The following RBM26 variants were observed in gnomAD, a reference collection of about 807,000 sequenced individuals.
The protein encoded by RBM26 is RNA-binding protein 26.
Under a neutral mutation model 123.6 loss-of-function variants are expected in RBM26, and 30 were observed. The observed-to-expected ratio is 0.24, with a 90% CI of 0.18 to 0.33. The LOEUF is 0.33. RBM26 is among the 10% of genes least tolerant of loss of function. The pLI is 1.00. For synonymous variants in RBM26, 400 were observed against 404.4 expected (o/e 0.99, Z 0.13); for missense variants, 947 against 1,203.6 (o/e 0.79, Z 3.15).
intron 20 of RBM26, among the ~76,000 whole-genome samples, chr13:79,322,717 A>G (rs2067825919): frequency 6.6e-6 from 1 of 151,554 alleles, no homozygotes; most frequent in Admixed American, 6.6e-5. Flanking sequence ...ATAATTTCTC[A>G]TAATAAAATA....
chr13:79,394,373 T>C (rs1202826824), intron 1 of RBM26, among the ~76,000 whole-genome samples: 2 of 152,214 alleles, frequency 1.3e-5, no homozygotes, highest in African/African-American at 2.4e-5. Context: ...TTCTGCCATT[T>C]GCGAGTCCTT....
At chr13:79,368,662 C>A in intron 6 of RBM26, 68 bp downstream of exon 6, 1 of 1,475,736 alleles carries the variant, frequency 6.8e-7, no homozygotes. Flanking sequence ...CTATGTACAA[C>A]ATAAACACAG....
chr13:79,386,115 A>T (rs2077457788), intron 1 of RBM26, among the ~76,000 whole-genome samples: 1 of 151,864 alleles, frequency 6.6e-6, no homozygotes, highest in Non-Finnish European at 1.5e-5. Context: ...AAACACAAAA[A>T]CTATTTTTCC....
At position 79,358,473 on chromosome 13, in the gene RBM26, C is replaced by G. The variant is rs761392870; in HGVS notation, c.1530-40G>C. 28 of 1,495,230 alleles carry G rather than the reference C, an allele frequency of 1.9e-5. No individual in the cohort carries two copies. The South Asian group carries it at 3.3e-4, about 18-fold the overall frequency. 92.6% of individuals were successfully genotyped at this position (1,495,230 alleles called of 1,614,324 possible). ...CAAGTTAGTCAATACATTTATAAAT[C>G]CTGACCCTAACCAAATACAAGGGAA... On this transcript the variant is annotated intron_variant, in intron 10 of 21. Transcript: ENST00000438737.
intron 20 of RBM26, among the ~76,000 whole-genome samples, chr13:79,324,558 C>A: frequency 6.6e-6 from 1 of 151,726 alleles, no homozygotes; most frequent in East Asian, 1.9e-4. Context: ...TTTTATGATG[C>A]ACCTTTTATT....
downstream of RBM26, chr13:79,314,867 G>T: frequency 1.5e-6 from 1 of 674,448 alleles, no homozygotes; most frequent in Non-Finnish European, 2.3e-6. Context: ...GTAAACATCT[G>T]TTCAAATTGA....
chr13:79,368,717 C>T lies in RBM26; in HGVS notation c.895+13G>A. The T allele has an allele frequency of 6.2e-7, 1 of 1,608,712 alleles. No homozygotes were observed. The highest frequency in any genetic ancestry group is 8.5e-7 in the Non-Finnish European group (1 of 1,176,158). ...ATTAATTAAATACTTTATCAAACAG[C>T]TGAAAGACTTACCATCATAGTCTCT... is the stretch of plus-strand genomic sequence containing the variant. On this transcript the variant is annotated intron_variant, in intron 6 of 21. Transcript: ENST00000438737.
Position 79,352,131 on chromosome 13 carries a change from C to G in RBM26, c.2058+1022G>C, listed in dbSNP as rs561044897. Among the ~76,000 whole-genome samples, 26 of 152,194 alleles carry G rather than the reference C, an allele frequency of 1.7e-4. No homozygotes were observed. The South Asian group carries it at 5.4e-3, about 32-fold the overall frequency. On this transcript the variant is annotated intron_variant, in intron 14 of 21. Coordinates refer to ENST00000438737, the MANE Select transcript of RBM26 (RefSeq NM_001366735.2). ...AAAGTCTGATACACAAACTCAGATT[C>G]AAATACCTAAAACTGCCAAAGTTTA...
intron 1 of RBM26, among the ~76,000 whole-genome samples, chr13:79,403,954 A>G (rs1566622431): frequency 6.6e-6 from 1 of 152,154 alleles, no homozygotes; most frequent in Non-Finnish European, 1.5e-5. Flanking sequence ...TTAATGACAT[A>G]AAGCCCAGTT....
At chr13:79,344,108 T>A in intron 16 of RBM26, 140 bp downstream of exon 16, 1 of 689,556 alleles carries the variant, frequency 1.5e-6, no homozygotes, top group Non-Finnish European at 2.6e-6. Flanking sequence ...ATGCTCTTCA[T>A]CTCCAATATT....
intron 1 of RBM26, among the ~76,000 whole-genome samples, chr13:79,384,030 C>T (rs2077280057): frequency 6.6e-6 from 1 of 152,138 alleles, no homozygotes; most frequent in African/African-American, 2.4e-5. Flanking sequence ...ATATGAGGGA[C>T]AGGAGTCCAG....
At chr13:79,364,312 T>C (rs189846648) in intron 9 of RBM26, among the ~76,000 whole-genome samples, 1 of 152,276 alleles carries the variant, frequency 6.6e-6, no homozygotes, top group Admixed American at 6.5e-5. Flanking sequence ...CAGAATCTGA[T>C]AGCTAGCTTC....
rs565668786 is a variant in RBM26, at chr13:79,366,624, T to G, written c.1135+9A>C. ...AGATAAATACAGGGAAACAAACAGA[T>G]TTACTTACCTGTAACAGGTGGGAGA... On this transcript the variant is annotated intron_variant, in intron 7 of 21. Transcript: ENST00000438737. 5 of 1,520,250 alleles carry G rather than the reference T, an allele frequency of 3.3e-6. No homozygotes were observed. In the African/African-American group the frequency reaches 5.6e-5, roughly 17 times the overall value. 94.2% of individuals were successfully genotyped at this position (1,520,250 alleles called of 1,614,324 possible).
chr13:79,394,882 C>T (rs994914718), intron 1 of RBM26, among the ~76,000 whole-genome samples: 6 of 152,204 alleles, frequency 3.9e-5, no homozygotes, highest in Admixed American at 1.3e-4. Context: ...GATCCGTCCA[C>T]CTTGGCCTCC....
chr13:79,335,562 C>A (rs2070210191), intron 19 of RBM26, among the ~76,000 whole-genome samples: 2 of 151,984 alleles, frequency 1.3e-5, no homozygotes. Context: ...CTCTGACATC[C>A]ATCATGTGTT....
intron 16 of RBM26, 78 bp downstream of exon 16, chr13:79,344,170 T>G: frequency 1.1e-6 from 1 of 886,842 alleles, no homozygotes; most frequent in Non-Finnish European, 1.9e-6. Context: ...AATCTTTTTA[T>G]GACTAGGTAG....
intron 3 of RBM26, 93 bp from the exon 4 acceptor site, chr13:79,372,023 G>C (rs574967340): frequency 2.2e-6 from 2 of 911,720 alleles, no homozygotes; most frequent in African/African-American, 1.7e-5. Context: ...GTTCATGCCT[G>C]TAATGCCAGC....
At chr13:79,392,165 A>G (rs545390584) in intron 1 of RBM26, among the ~76,000 whole-genome samples, 6,850 of 43,580 alleles carry the variant, frequency 0.16, 982 homozygotes, top group African/African-American at 0.26. Context: ...ATAATTATAT[A>G]TTATACAATA....
At chr13:79,331,856 T>C (rs1379844189) in intron 20 of RBM26, among the ~76,000 whole-genome samples, 5 of 152,190 alleles carry the variant, frequency 3.3e-5, no homozygotes, top group Non-Finnish European at 7.3e-5. Flanking sequence ...ACTTTAGTAC[T>C]TTGGCATGGT....
Sources: allele counts gnomAD v4.1 joint callset (sites outside exome capture counted in the v4.1 genomes callset), GRCh38; gene constraint gnomAD v4.1.1; transcripts MANE v1.5; gene names NCBI Gene and HGNC (gene_info 2026-07-23, HGNC 2026-07-21).